RHBDD1: variants seen among roughly 807,000 people sequenced by gnomAD.
RHBDD1 encodes the protein rhomboid-related protein 4.
A neutral mutation model predicts 36.3 loss-of-function variants in RHBDD1; 38 were observed. That is an observed-to-expected ratio of 1.05 (90% confidence interval 0.81 to 1.37). RHBDD1 has a LOEUF of 1.37. Among genes scored for constraint, RHBDD1 ranks in the 40% most tolerant of loss-of-function variants. The pLI is 0.00. For synonymous variants in RHBDD1, 151 were observed against 136.5 expected (o/e 1.11, Z -0.74); for missense variants, 393 against 377.6 (o/e 1.04, Z -0.34).
intron 8 of RHBDD1, among the ~76,000 whole-genome samples, chr2:226,983,551 G>T (rs1212177622): frequency 2.0e-5 from 3 of 152,176 alleles, no homozygotes; most frequent in Non-Finnish European, 2.9e-5. Context: ...ACCACTCGGG[G>T]ATGGTTGTTC....
At chr2:226,801,528 C>A in the RHBDD1 span, among the ~76,000 whole-genome samples, 1 of 152,198 alleles carries the variant, frequency 6.6e-6, no homozygotes, top group South Asian at 2.1e-4. Context: ...CTCTCCCCTT[C>A]CTGTTCCCGG....
chr2:226,878,387 C>G (rs1339029876), intron 5 of RHBDD1, among the ~76,000 whole-genome samples: 1 of 152,202 alleles, frequency 6.6e-6, no homozygotes, highest in African/African-American at 2.4e-5. Flanking sequence ...GTTTCCCACT[C>G]AGCCATTAAG....
intron 3 of RHBDD1, among the ~76,000 whole-genome samples, chr2:226,853,336 G>A (rs990596699): frequency 6.6e-6 from 1 of 152,184 alleles, no homozygotes; most frequent in Admixed American, 6.5e-5. Context: ...CTAGATCACA[G>A]CCTAGAATTT....
intron 8 of RHBDD1, among the ~76,000 whole-genome samples, chr2:226,934,613 T>C (rs1302146681): frequency 6.6e-6 from 1 of 152,098 alleles, no homozygotes; most frequent in Non-Finnish European, 1.5e-5. Context: ...ATATTGAAAT[T>C]TATATTATTT....
At chr2:226,828,105 T>C in the RHBDD1 span, among the ~76,000 whole-genome samples, 9 of 152,222 alleles carry the variant, frequency 5.9e-5, no homozygotes, top group African/African-American at 9.6e-5. Flanking sequence ...AGTTTTCTCA[T>C]GCTAATTTAG....
chr2:226,906,370 C>T (rs1948054131), intron 5 of RHBDD1, among the ~76,000 whole-genome samples: 1 of 152,168 alleles, frequency 6.6e-6, no homozygotes, highest in Non-Finnish European at 1.5e-5. Flanking sequence ...GCAGTCTGCC[C>T]TGCCATAACA....
intron 8 of RHBDD1, chr2:226,988,830 T>C (rs1957565783): frequency 2.2e-6 from 1 of 463,300 alleles, no homozygotes. Context: ...AGGCTGACTT[T>C]TGCAGCTAGA....
the RHBDD1 span, among the ~76,000 whole-genome samples, chr2:226,827,187 A>G: frequency 2.0e-5 from 3 of 151,904 alleles, no homozygotes; most frequent in Non-Finnish European, 4.4e-5. Flanking sequence ...CTGGTCTCAA[A>G]CTCCTGAGCT....
intron 8 of RHBDD1, among the ~76,000 whole-genome samples, chr2:226,983,540 G>C (rs1956255075): frequency 2.0e-5 from 3 of 152,294 alleles, no homozygotes; most frequent in Middle Eastern, 6.8e-3. Flanking sequence ...ACCTAAACTT[G>C]ACCACTCGGG....
intron 3 of RHBDD1, among the ~76,000 whole-genome samples, chr2:226,851,777 G>A (rs1263625068): frequency 6.6e-6 from 1 of 152,140 alleles, no homozygotes; most frequent in Non-Finnish European, 1.5e-5. Flanking sequence ...GTTGAAAGTA[G>A]TTTAGAGCAT....
intron 5 of RHBDD1, among the ~76,000 whole-genome samples, chr2:226,887,841 C>G (rs1419505814): frequency 6.6e-6 from 1 of 152,192 alleles, no homozygotes; most frequent in African/African-American, 2.4e-5. Context: ...TGAATACTAT[C>G]TGATCCATCT....
the RHBDD1 span, among the ~76,000 whole-genome samples, chr2:226,811,687 G>T: frequency 6.6e-6 from 1 of 152,232 alleles, no homozygotes; most frequent in African/African-American, 2.4e-5. Context: ...CTTGAAATTT[G>T]AGGGGAATGA....
intron 5 of RHBDD1, among the ~76,000 whole-genome samples, chr2:226,877,162 A>G (rs767448184): frequency 6.6e-6 from 1 of 152,174 alleles, no homozygotes; most frequent in African/African-American, 2.4e-5. Flanking sequence ...CCAAGGTGGA[A>G]CCTGAAACCA....
chr2:226,950,787 A>T (rs1951365476), intron 8 of RHBDD1, among the ~76,000 whole-genome samples: 1 of 152,080 alleles, frequency 6.6e-6, no homozygotes, highest in Non-Finnish European at 1.5e-5. Flanking sequence ...CCTTTGAGAG[A>T]TGTCTGTTCA....
intron 5 of RHBDD1, among the ~76,000 whole-genome samples, chr2:226,897,560 C>T (rs1351182393): frequency 6.6e-6 from 1 of 152,222 alleles, no homozygotes; most frequent in Non-Finnish European, 1.5e-5. Flanking sequence ...AACTGAGCCT[C>T]TGCTGAAGGC....
intron 6 of RHBDD1, 26 bp from the exon 7 acceptor site, chr2:226,908,796 A>G: frequency 5.8e-6 from 9 of 1,552,842 alleles, no homozygotes; most frequent in Non-Finnish European, 8.0e-6. Context: ...GGCTGCCATT[A>G]AAATGTTTAT....
At position 226,864,891 on chromosome 2, in the gene RHBDD1, G is replaced by C. The variant is rs375555198; in HGVS notation, c.198G>C (p.Gln66His). The C allele has an allele frequency of 1.1e-5, 18 of 1,614,082 alleles. No homozygotes were observed. The African/African-American group carries it at 2.1e-4, about 19-fold the overall frequency. ...VEKCYQQKDWQRLLLSPLHHA... is the reference protein window; with the variant it reads ...VEKCYQQKDWHRLLLSPLHHA... ...AGTGTTACCAGCAAAAAGACTGGCA[G>C]CGTTTACTGCTCTCTCCCCTTCACC... Residue 66 changes from glutamine to histidine, a missense_variant, in exon 4 of 9, where the codon CAG (glutamine) becomes CAC (histidine). Coordinates refer to ENST00000392062, the MANE Select transcript of RHBDD1 (RefSeq NM_001167608.3).
chr2:226,882,430 C>CAAAAAAAAA (rs58149634), intron 5 of RHBDD1, among the ~76,000 whole-genome samples: 8 of 57,060 alleles, frequency 1.4e-4, no homozygotes, highest in Non-Finnish European at 2.6e-4. Context: ...GACTTTGCCT[C>CAAAAAAAAA]AAAAAAAAAA....
intron 8 of RHBDD1, among the ~76,000 whole-genome samples, chr2:226,947,007 A>G (rs553870486): frequency 3.3e-5 from 5 of 152,362 alleles, no homozygotes; most frequent in African/African-American, 9.6e-5. Context: ...AAGGCTTTCA[A>G]TAAAATTCAG....
Sources: allele counts gnomAD v4.1 joint callset (sites outside exome capture counted in the v4.1 genomes callset), GRCh38; gene constraint gnomAD v4.1.1; transcripts MANE v1.5; gene names NCBI Gene and HGNC (gene_info 2026-07-23, HGNC 2026-07-21).